The following WWOX variants were observed in gnomAD, a reference collection of about 807,000 sequenced individuals.
WWOX encodes WW domain-containing oxidoreductase.
A neutral mutation model predicts 46.2 loss-of-function variants in WWOX; 69 were observed. The ratio of observed to expected loss-of-function variants is 1.49; its 90% CI spans 1.23 to 1.82. The LOEUF (loss-of-function observed/expected upper bound fraction) is 1.82. WWOX is among the 40% of genes most tolerant of loss of function. The pLI is 0.00. For missense variants in WWOX, 919 were observed against 542.6 expected (o/e 1.69, Z -6.89); for synonymous variants, 359 against 202.6 (o/e 1.77, Z -6.56).
chr16:78,236,199 T>C (rs904104565), intron 5 of WWOX, among the ~76,000 whole-genome samples: 1 of 152,210 alleles, frequency 6.6e-6, no homozygotes, highest in African/African-American at 2.4e-5. Context: ...GGCAAGGTAA[T>C]TAAAATGTTA....
At chr16:78,851,290 C>G (rs955905072) in intron 8 of WWOX, among the ~76,000 whole-genome samples, 17 of 152,108 alleles carry the variant, frequency 1.1e-4, no homozygotes. Flanking sequence ...TCAACAGGAG[C>G]TATAATTATC....
At chr16:78,523,149 C>T (rs1331982448) in intron 8 of WWOX, among the ~76,000 whole-genome samples, 1 of 152,174 alleles carries the variant, frequency 6.6e-6, no homozygotes, top group Non-Finnish European at 1.5e-5. Context: ...CTTCTTTGAG[C>T]AGTGGCTTAC....
chr16:78,821,926 C>T (rs1227634314), intron 8 of WWOX, among the ~76,000 whole-genome samples: 1 of 152,234 alleles, frequency 6.6e-6, no homozygotes, highest in African/African-American at 2.4e-5. Context: ...GTTGCTCAGG[C>T]TAGAGTGCTG....
At chr16:78,840,283 C>T (rs193276381) in intron 8 of WWOX, among the ~76,000 whole-genome samples, 1 of 152,244 alleles carries the variant, frequency 6.6e-6, no homozygotes, top group East Asian at 1.9e-4. Flanking sequence ...CCTCTCTGTG[C>T]CTTGATTTCT....
chr16:78,332,685 C>T (rs2080788833), intron 5 of WWOX, among the ~76,000 whole-genome samples: 2 of 152,024 alleles, frequency 1.3e-5, no homozygotes, highest in Non-Finnish European at 2.9e-5. Flanking sequence ...TGAGAGTTGC[C>T]CAAATTAGTG....
At chr16:79,063,357 C>T (rs991759089) in intron 8 of WWOX, among the ~76,000 whole-genome samples, 4 of 152,206 alleles carry the variant, frequency 2.6e-5, no homozygotes, top group African/African-American at 9.7e-5. Context: ...GCGTGCGTAT[C>T]TTGGCCCCAT....
chr16:78,585,873 T>G (rs2045190272), intron 8 of WWOX, among the ~76,000 whole-genome samples: 1 of 151,990 alleles, frequency 6.6e-6, no homozygotes, highest in African/African-American at 2.4e-5. Context: ...TGTCTTGTTC[T>G]CTCTTCCAAG....
At chr16:79,151,936 C>T (rs183690656) in intron 8 of WWOX, among the ~76,000 whole-genome samples, 2 of 152,162 alleles carry the variant, frequency 1.3e-5, no homozygotes, top group East Asian at 1.9e-4. Context: ...TGTAAATAGC[C>T]GAGGATATCT....
intron 8 of WWOX, among the ~76,000 whole-genome samples, chr16:78,990,201 A>AAAAAAG (rs2046859301): frequency 2.7e-5 from 4 of 150,044 alleles, no homozygotes; most frequent in South Asian, 2.1e-4. Context: ...AAAAAAAAAA[A>AAAAAAG]AGAGAGAGAG....
intron 8 of WWOX, among the ~76,000 whole-genome samples, chr16:79,036,942 G>A (rs958431702): frequency 1.3e-5 from 2 of 152,310 alleles, no homozygotes; most frequent in Middle Eastern, 3.4e-3. Context: ...TTCTCAGTGT[G>A]TTATCTTGGC....
rs773116051 is a variant in WWOX at position 78,493,026 on chromosome 16, G to A, written c.1056+60274G>A. ...CTCTTTACCATCCCGGTAAAGTGAC[G>A]TTTTGATGAAAACAGCATGGATCTT... On this transcript the variant is annotated intron_variant, in intron 8 of 8. Transcript: ENST00000566780. Among the ~76,000 whole-genome samples, 4 of 152,274 alleles carry A rather than the reference G, an allele frequency of 2.6e-5. 1 individual carries two copies. In the East Asian group the frequency reaches 7.7e-4, roughly 29 times the overall value.
chr16:78,174,572 A>G lies in WWOX; in HGVS notation c.516+10283A>G, dbSNP rs546137618. ...CATTTATTACATCCAAATATCCCCA[A>G]AATCTTAACTCATTCCGGCATCAGC... is the stretch of plus-strand genomic sequence containing the variant. On this transcript the variant is annotated intron_variant, in intron 5 of 8. Coordinates refer to ENST00000566780, the MANE Select transcript of WWOX (RefSeq NM_016373.4). Among the ~76,000 whole-genome samples the G allele has an allele frequency of 3.3e-5, 5 of 152,274 alleles. No individual in the cohort carries two copies. In the South Asian group the frequency reaches 6.2e-4, roughly 19 times the overall value.
intron 8 of WWOX, among the ~76,000 whole-genome samples, chr16:78,495,142 G>GTTTTTTTTTTT (rs1567605681): frequency 4.3e-5 from 2 of 46,916 alleles, no homozygotes; most frequent in Non-Finnish European, 6.5e-5. Flanking sequence ...AGACTGTTGT[G>GTTTTTTTTTTT]TTCTTTTTTT....
At chr16:78,301,863 A>G (rs570917423) in intron 5 of WWOX, among the ~76,000 whole-genome samples, 13 of 152,284 alleles carry the variant, frequency 8.5e-5, no homozygotes, top group African/African-American at 3.1e-4. Flanking sequence ...GTTGGAGGGC[A>G]GGAATTTAAC....
chr16:78,549,542 A>G (rs780506593), intron 8 of WWOX, among the ~76,000 whole-genome samples: 6 of 152,138 alleles, frequency 3.9e-5, no homozygotes, highest in African/African-American at 1.2e-4. Flanking sequence ...CTTTTTGTCC[A>G]TCTCTTAAAT....
At chr16:79,004,943 G>C (rs1206103497) in intron 8 of WWOX, among the ~76,000 whole-genome samples, 1 of 152,082 alleles carries the variant, frequency 6.6e-6, no homozygotes, top group Non-Finnish European at 1.5e-5. Context: ...CTCCCCTCTT[G>C]TGTTTCAGAA....
At chr16:78,654,625 C>G (rs1177297178) in intron 8 of WWOX, among the ~76,000 whole-genome samples, 1 of 152,016 alleles carries the variant, frequency 6.6e-6, no homozygotes, top group South Asian at 2.1e-4. Flanking sequence ...ATGTACCTAC[C>G]TATCTATACC....
chr16:78,228,854 C>G (rs1342604426), intron 5 of WWOX, among the ~76,000 whole-genome samples: 1 of 152,190 alleles, frequency 6.6e-6, no homozygotes, highest in Admixed American at 6.5e-5. Flanking sequence ...GGGTGAGGCT[C>G]TCGTGGCTTT....
At chr16:78,626,101 C>T (rs2046304747) in intron 8 of WWOX, among the ~76,000 whole-genome samples, 2 of 151,496 alleles carry the variant, frequency 1.3e-5, no homozygotes, top group South Asian at 2.1e-4. Context: ...TTTTGTGTTC[C>T]AGGAGCCCAT....
Sources: allele counts gnomAD v4.1 joint callset (sites outside exome capture counted in the v4.1 genomes callset), GRCh38; gene constraint gnomAD v4.1.1; transcripts MANE v1.5; gene names NCBI Gene and HGNC (gene_info 2026-07-23, HGNC 2026-07-21).